The following LRP2 variants were observed in gnomAD, a reference collection of about 807,000 sequenced individuals.
LRP2 encodes LDL receptor related protein 2.
Under a neutral mutation model 531.0 loss-of-function variants are expected in LRP2, and 172 were observed. The observed-to-expected ratio is 0.32, with a 90% CI of 0.29 to 0.37. LRP2 has a LOEUF of 0.37. LRP2 is among the 10% of genes least tolerant of loss of function. The pLI, the probability that LRP2 is intolerant of heterozygous loss-of-function variation, is 1.00. For missense variants in LRP2, 5,167 were observed against 5,868.3 expected (o/e 0.88, Z 3.90); for synonymous variants, 1,992 against 2,027.6 (o/e 0.98, Z 0.47).
At chr2:169,202,513 C>A (rs939723490) in intron 43 of LRP2, among the ~76,000 whole-genome samples, 3 of 152,178 alleles carry the variant, frequency 2.0e-5, no homozygotes, top group African/African-American at 7.2e-5. Flanking sequence ...TATTAAGTAA[C>A]TTTCCCAGGT....
intron 76 of LRP2, 146 bp downstream of exon 76, chr2:169,137,246 C>G (rs1685546567): frequency 2.8e-6 from 2 of 721,498 alleles, no homozygotes; most frequent in African/African-American, 1.7e-5. Flanking sequence ...TGGTCCTGTT[C>G]CTGCAGATAG....
chr2:169,191,577 C>T (rs1687829190), intron 48 of LRP2, among the ~76,000 whole-genome samples: 1 of 151,734 alleles, frequency 6.6e-6, no homozygotes, highest in Admixed American at 6.6e-5. Flanking sequence ...ATTAATAATT[C>T]AAGTAACTTC....
At chr2:169,338,291 A>AAATG (rs141463223) in intron 1 of LRP2, among the ~76,000 whole-genome samples, 1 of 143,984 alleles carries the variant, frequency 6.9e-6, no homozygotes, top group African/African-American at 2.6e-5. Context: ...AAGAAAGAAA[A>AAATG]AAGGAAGGAA....
intron 42 of LRP2, among the ~76,000 whole-genome samples, chr2:169,203,409 G>A (rs771551228): frequency 6.6e-6 from 1 of 152,206 alleles, no homozygotes; most frequent in Non-Finnish European, 1.5e-5. Flanking sequence ...GTCAAGACAT[G>A]AAGTAGGGCA....
intron 6 of LRP2, 65 bp from the exon 7 acceptor site, chr2:169,292,434 A>G: frequency 9.9e-7 from 1 of 1,005,972 alleles, no homozygotes; most frequent in East Asian, 2.4e-5. Flanking sequence ...AAGTGCTCTC[A>G]CCTCACTGCC....
At chr2:169,212,245 T>C (rs1285396407) in intron 36 of LRP2, 38 bp from the exon 37 acceptor site, 3 of 1,613,652 alleles carry the variant, frequency 1.9e-6, no homozygotes, top group Non-Finnish European at 2.5e-6. Flanking sequence ...CTTTTGATCC[T>C]AGCTACTCGC....
intron 49 of LRP2, among the ~76,000 whole-genome samples, chr2:169,187,394 G>A (rs1030717252): frequency 1.8e-4 from 28 of 152,168 alleles, no homozygotes; most frequent in Non-Finnish European, 8.8e-5. Flanking sequence ...TCTCTAAATT[G>A]TTATTACAGA....
At chr2:169,219,170 G>C (rs1688899778) in intron 34 of LRP2, among the ~76,000 whole-genome samples, 1 of 152,162 alleles carries the variant, frequency 6.6e-6, no homozygotes, top group South Asian at 2.1e-4. Flanking sequence ...AGCAGGCACA[G>C]AATAGAATGT....
chr2:169,165,308 C>T (rs897457876), intron 62 of LRP2, among the ~76,000 whole-genome samples: 2 of 152,208 alleles, frequency 1.3e-5, no homozygotes, highest in Non-Finnish European at 2.9e-5. Context: ...CAACTTTCCC[C>T]TTCAATGGAT....
chr2:169,134,614 C>T (rs1574058965), intron 76 of LRP2, among the ~76,000 whole-genome samples: 1 of 152,186 alleles, frequency 6.6e-6, no homozygotes, highest in Non-Finnish European at 1.5e-5. Flanking sequence ...ATTGAGGCTA[C>T]CGCTCTGCCC....
chr2:169,194,843 C>G (rs1222418020), intron 46 of LRP2, among the ~76,000 whole-genome samples: 1 of 150,768 alleles, frequency 6.6e-6, no homozygotes, highest in Non-Finnish European at 1.5e-5. Context: ...GCCTGAGTAG[C>G]TGGGATTACA....
chr2:169,212,279 T>C lies in LRP2; in HGVS notation c.6041-72A>G, dbSNP rs1014760017. ...GCCACCCCATCTCAAATTTCTTTAA[T>C]TGGGTCACCAAATAATTTATTCTAA... On this transcript the variant is annotated intron_variant, in intron 36 of 78. Transcript: ENST00000649046. 3.2e-6 allele frequency: 5 copies of C among 1,586,300 alleles called. No individual in the cohort carries two copies. The African/African-American group carries it at 4.0e-5, about 13-fold the overall frequency.
intron 68 of LRP2, among the ~76,000 whole-genome samples, chr2:169,150,234 T>C (rs1226583122): frequency 6.6e-6 from 1 of 152,210 alleles, no homozygotes; most frequent in Non-Finnish European, 1.5e-5. Flanking sequence ...CCTGCCCAAG[T>C]AGGAAAATTA....
In LRP2 at chr2:169,162,524, A is replaced by G. The variant is rs1686626459; in HGVS notation, c.11835T>C (p.Asn3945=). 2 of 1,614,142 alleles carry G rather than the reference A, an allele frequency of 1.2e-6. No individual in the cohort carries two copies. Among genetic ancestry groups the G allele is most frequent in the East Asian group, 4.5e-5 (2 of 44,890 alleles). ...CACAGTCATCGGCATCATCACACACATTGTCATGTGGAATGCAATGCCCAT... is the reference window on the plus strand; with the variant it reads ...CACAGTCATCGGCATCATCACACACGTTGTCATGTGGAATGCAATGCCCAT... ...CGNGHCIPHD[N]VCDDADDCGD... Residue 3945 remains asparagine, a synonymous_variant, in exon 63 of 79, where the codon AAT becomes AAC. Transcript: ENST00000649046.
chr2:169,171,312 G>A (rs145451892), intron 58 of LRP2, among the ~76,000 whole-genome samples: 5 of 152,144 alleles, frequency 3.3e-5, no homozygotes, highest in East Asian at 1.9e-4. Flanking sequence ...AGAAATTGAC[G>A]CATATCATGG....
At chr2:169,359,155 A>G (rs1268440154) in intron 1 of LRP2, among the ~76,000 whole-genome samples, 2 of 152,132 alleles carry the variant, frequency 1.3e-5, no homozygotes, top group African/African-American at 4.8e-5. Context: ...AGCACTTGGC[A>G]TATTTTATCT....
At chr2:169,273,402 C>T (rs939145193) in intron 14 of LRP2, among the ~76,000 whole-genome samples, 1 of 152,134 alleles carries the variant, frequency 6.6e-6, no homozygotes, top group Non-Finnish European at 1.5e-5. Context: ...CACTTCACTG[C>T]TTTTTTGCCA....
At chr2:169,241,719 T>C (rs564755029) in intron 24 of LRP2, among the ~76,000 whole-genome samples, 36 of 152,324 alleles carry the variant, frequency 2.4e-4, no homozygotes, top group Middle Eastern at 3.4e-3. Context: ...TATGAAAGAA[T>C]CACCAGAACA....
chr2:169,299,761 G>A (rs1684242369), intron 4 of LRP2, among the ~76,000 whole-genome samples: 1 of 151,954 alleles, frequency 6.6e-6, no homozygotes. Flanking sequence ...TTATTCCCAG[G>A]GACCCACCTG....
Sources: gnomAD v4.1 joint callset for allele counts (sites outside exome capture counted in the v4.1 genomes callset) on GRCh38, gnomAD v4.1.1 for gene constraint, MANE v1.5 for transcripts, NCBI Gene and HGNC (gene_info 2026-07-23, HGNC 2026-07-21) for gene names.